SGCZ: variants seen among roughly 807,000 people sequenced by gnomAD.
SGCZ encodes the protein sarcoglycan zeta.
SGCZ carries 40 observed loss-of-function variants against 41.3 expected under a neutral mutation model. The ratio of observed to expected loss-of-function variants is 0.97; its 90% CI spans 0.75 to 1.26. The LOEUF is 1.26. SGCZ is among the 50% of genes most tolerant of loss of function. SGCZ has a pLI of 0.00. For synonymous variants in SGCZ, 206 were observed against 137.5 expected, an observed-to-expected ratio of 1.50 and a Z score of -3.49; for missense variants, 552 against 369.8, an observed-to-expected ratio of 1.49 and a Z score of -4.04.
intron 1 of SGCZ, among the ~76,000 whole-genome samples, chr8:14,965,788 A>C (rs1469454138): frequency 1.3e-5 from 2 of 152,180 alleles, no homozygotes; most frequent in Non-Finnish European, 2.9e-5. Flanking sequence ...AAGAATATAA[A>C]TATCCAATGC....
chr8:14,122,079 C>A (rs1563139081), intron 5 of SGCZ, among the ~76,000 whole-genome samples: 1 of 152,126 alleles, frequency 6.6e-6, no homozygotes, highest in Non-Finnish European at 1.5e-5. Flanking sequence ...GAGATCGAGA[C>A]CATCCTGCTA....
chr8:15,226,788 G>C (rs1030450171), intron 1 of SGCZ, among the ~76,000 whole-genome samples: 3 of 152,124 alleles, frequency 2.0e-5, no homozygotes, highest in African/African-American at 7.2e-5. Flanking sequence ...GGATAAAACA[G>C]ATTAGAAAAG....
At chr8:14,605,285 T>C (rs929495745) in intron 1 of SGCZ, among the ~76,000 whole-genome samples, 6 of 152,068 alleles carry the variant, frequency 3.9e-5, no homozygotes, top group South Asian at 4.1e-4. Flanking sequence ...TGTGGGTGCA[T>C]AGTGAGTGTA....
At chr8:15,126,226 A>C (rs1299740160) in intron 1 of SGCZ, among the ~76,000 whole-genome samples, 1 of 152,206 alleles carries the variant, frequency 6.6e-6, no homozygotes, top group Admixed American at 6.5e-5. Flanking sequence ...TATCACAATG[A>C]TTAATGCTGT....
intron 4 of SGCZ, among the ~76,000 whole-genome samples, chr8:14,181,427 A>T (rs1804722259): frequency 1.3e-5 from 2 of 152,216 alleles, no homozygotes; most frequent in African/African-American, 4.8e-5. Flanking sequence ...CTCACTGGGG[A>T]TTGCATCCAC....
At chr8:14,598,596 C>T (rs139620869) in intron 1 of SGCZ, among the ~76,000 whole-genome samples, 1,907 of 151,814 alleles carry the variant, frequency 0.013, 34 homozygotes, top group African/African-American at 0.044. Context: ...GTGCAATCGT[C>T]AGCTCACTGC....
rs1049475296 is a variant in SGCZ, at chr8:14,410,434, A to T, written c.235-86230T>A. 1.3e-4 allele frequency among the ~76,000 whole-genome samples: 20 copies of T among 151,790 alleles called. No homozygotes were observed. In the South Asian group the frequency reaches 1.9e-3, roughly 14 times the overall value. ...AAACAGAAAAGGCTGATTTTCAATG[A>T]CCCAAATGGATCTCCAAGTAGAAGT... On this transcript the variant is annotated intron_variant, in intron 2 of 7. Transcript: ENST00000382080.
At chr8:15,131,352 G>A (rs1412926908) in intron 1 of SGCZ, among the ~76,000 whole-genome samples, 3 of 152,078 alleles carry the variant, frequency 2.0e-5, no homozygotes, top group South Asian at 4.2e-4. Context: ...ATTCTCTCTT[G>A]CCTGCCGCCA....
chr8:14,182,340 G>C (rs1406187381), intron 4 of SGCZ, among the ~76,000 whole-genome samples: 1 of 152,160 alleles, frequency 6.6e-6, no homozygotes. Context: ...ATCCTGGAGA[G>C]CATCTGAGAA....
chr8:14,557,040 A>G (rs1202848372), intron 1 of SGCZ, among the ~76,000 whole-genome samples: 2 of 152,044 alleles, frequency 1.3e-5, no homozygotes, highest in Admixed American at 6.6e-5. Flanking sequence ...ACTAGTTTAC[A>G]TTCCTACCAG....
intron 1 of SGCZ, among the ~76,000 whole-genome samples, chr8:14,558,613 A>AGAGAGAGAGAGAGAGAG (rs59852253): frequency 8.8e-4 from 131 of 148,544 alleles, no homozygotes; most frequent in Middle Eastern, 3.5e-3. Context: ...AGAGAGAGAG[A>AGAGAGAGAGAGAGAGAG]ATCTTCCATA....
chr8:14,599,552 T>C (rs1805520798), intron 1 of SGCZ, among the ~76,000 whole-genome samples: 1 of 152,196 alleles, frequency 6.6e-6, no homozygotes, highest in Non-Finnish European at 1.5e-5. Context: ...CTGGTTTCTC[T>C]CTTCTCTAAT....
intron 1 of SGCZ, among the ~76,000 whole-genome samples, chr8:14,616,689 T>C (rs1356225216): frequency 1.3e-5 from 2 of 152,130 alleles, no homozygotes; most frequent in Non-Finnish European, 2.9e-5. Context: ...AGTCAACTGA[T>C]TGTTTTTCAG....
intron 3 of SGCZ, among the ~76,000 whole-genome samples, chr8:14,271,788 T>C (rs1276656678): frequency 1.3e-5 from 2 of 152,172 alleles, no homozygotes; most frequent in African/African-American, 2.4e-5. Flanking sequence ...CTGATTCATA[T>C]CTACTGTAAG....
intron 1 of SGCZ, among the ~76,000 whole-genome samples, chr8:14,671,604 G>C (rs1227088971): frequency 6.6e-6 from 1 of 152,076 alleles, no homozygotes; most frequent in Non-Finnish European, 1.5e-5. Flanking sequence ...GCAAGAATTA[G>C]AAAGAATATG....
intron 1 of SGCZ, among the ~76,000 whole-genome samples, chr8:15,207,814 T>C (rs930330004): frequency 5.3e-5 from 8 of 152,164 alleles, no homozygotes; most frequent in African/African-American, 1.4e-4. Flanking sequence ...AAGGACATTC[T>C]GAAATAATCT....
intron 2 of SGCZ, among the ~76,000 whole-genome samples, chr8:14,546,770 A>T (rs1803641640): frequency 6.6e-6 from 1 of 152,204 alleles, no homozygotes; most frequent in African/African-American, 2.4e-5. Flanking sequence ...TAAAGGAAGT[A>T]AACCATTTTT....
chr8:14,579,939 T>C (rs530131343), intron 1 of SGCZ, among the ~76,000 whole-genome samples: 1 of 152,304 alleles, frequency 6.6e-6, no homozygotes, highest in Admixed American at 6.5e-5. Flanking sequence ...TTAAGATTAG[T>C]ATATTTGTTC....
At chr8:14,797,170 T>A (rs1050654476) in intron 1 of SGCZ, among the ~76,000 whole-genome samples, 2 of 151,814 alleles carry the variant, frequency 1.3e-5, no homozygotes, top group African/African-American at 4.8e-5. Context: ...TGGGGACAGT[T>A]TGGAGGGCTC....
Sources: allele counts gnomAD v4.1 joint callset (sites outside exome capture counted in the v4.1 genomes callset), GRCh38; gene constraint gnomAD v4.1.1; transcripts MANE v1.5; gene names NCBI Gene and HGNC (gene_info 2026-07-23, HGNC 2026-07-21).